The following COL4A1 variants were observed in gnomAD, a reference collection of about 807,000 sequenced individuals.
The protein encoded by COL4A1 is collagen type IV alpha 1 chain.
In COL4A1, 40 loss-of-function variants were observed where a neutral mutation model predicts 216.6. The ratio of observed to expected loss-of-function variants is 0.18; its 90% CI spans 0.14 to 0.24. The LOEUF is 0.24. Ranked by LOEUF, COL4A1 falls within the 10% of genes least tolerant of loss-of-function variation. COL4A1 has a pLI of 1.00. For synonymous variants in COL4A1, 839 were observed against 810.7 expected (o/e 1.03, Z -0.59); for missense variants, 1,628 against 2,196.8 (o/e 0.74, Z 5.18).
intron 50 of COL4A1, among the ~76,000 whole-genome samples, chr13:110,154,973 G>C (rs1042074736): frequency 6.6e-6 from 1 of 152,242 alleles, no homozygotes; most frequent in Non-Finnish European, 1.5e-5. Flanking sequence ...GAACAGACCC[G>C]TAGAGCACCT....
chr13:110,256,524 C>T (rs547658668), intron 1 of COL4A1, among the ~76,000 whole-genome samples: 18 of 152,092 alleles, frequency 1.2e-4, no homozygotes, highest in South Asian at 6.2e-4. Flanking sequence ...TGTCAGTGCC[C>T]GGGAAAGCAA....
chr13:110,151,200 C>T (rs1200996538), intron 51 of COL4A1, among the ~76,000 whole-genome samples: 1 of 152,006 alleles, frequency 6.6e-6, no homozygotes, highest in Non-Finnish European at 1.5e-5. Context: ...ATTTTATTAA[C>T]TTTTGGTGCA....
intron 1 of COL4A1, among the ~76,000 whole-genome samples, chr13:110,278,492 T>C (rs191992468): frequency 6.6e-6 from 1 of 152,204 alleles, no homozygotes; most frequent in Non-Finnish European, 1.5e-5. Context: ...CCTAGACATT[T>C]CTTTTGGGTG....
intron 1 of COL4A1, among the ~76,000 whole-genome samples, chr13:110,281,747 T>C (rs2139300886): frequency 6.6e-6 from 1 of 152,374 alleles, no homozygotes; most frequent in South Asian, 2.1e-4. Flanking sequence ...ACTCTTCTTC[T>C]AATGGTATGG....
intron 39 of COL4A1, 64 bp downstream of exon 39, chr13:110,174,382 G>T: frequency 6.4e-7 from 1 of 1,569,470 alleles, no homozygotes; most frequent in Non-Finnish European, 8.7e-7. Flanking sequence ...ACTCCTTGGG[G>T]CCTCCCATCC....
Position 110,169,757 on chromosome 13 carries a change from G to A in COL4A1, c.3748C>T (p.Pro1250Ser). The change falls in exon 43 of 52, where the codon CCG (proline) becomes TCG (serine). Residue 1250 changes from proline to serine, a missense_variant. Pro to Ser is a moderately conservative substitution (Grantham distance 74, BLOSUM62 -1). This residue lies in a region of COL4A1 where 345 missense variants were observed against 476.9 expected (regional missense o/e 0.72). Coordinates refer to ENST00000375820, the MANE Select transcript of COL4A1 (RefSeq NM_001845.6). ...PQGQPGLPGL[P>S]GPMGPPGLPG... The stretch of plus-strand genomic sequence containing the variant: ...AGCCCTGGAGGCCCCATGGGTCCCG[G>A]AAGTCCTAATGGAAGAGAAGAAAGC... The A allele has an allele frequency of 6.2e-7, 1 of 1,613,964 alleles. No homozygotes were observed. Among genetic ancestry groups the A allele is most frequent in the South Asian group, 1.1e-5 (1 of 91,078 alleles).
At chr13:110,151,059 T>G (rs774595198) in intron 51 of COL4A1, among the ~76,000 whole-genome samples, 2 of 152,202 alleles carry the variant, frequency 1.3e-5, no homozygotes, top group Non-Finnish European at 1.5e-5. Context: ...TCTACATTAT[T>G]TTGATTGTTG....
intron 28 of COL4A1, among the ~76,000 whole-genome samples, chr13:110,181,868 G>A (rs932994389): frequency 2.6e-5 from 4 of 152,166 alleles, no homozygotes; most frequent in African/African-American, 7.2e-5. Context: ...TCTGGGCCCC[G>A]CTCTGGAAGC....
intron 12 of COL4A1, among the ~76,000 whole-genome samples, chr13:110,208,571 G>A (rs758188939): frequency 7.2e-5 from 11 of 152,214 alleles, no homozygotes; most frequent in Admixed American, 5.2e-4. Flanking sequence ...CACTGACGAA[G>A]AAGAGTTTGA....
intron 43 of COL4A1, among the ~76,000 whole-genome samples, chr13:110,169,308 T>C (rs1012759745): frequency 6.6e-6 from 1 of 152,166 alleles, no homozygotes. Flanking sequence ...TTACATTGAG[T>C]TTGTAAATAG....
At chr13:110,209,884 C>T (rs368392054) in intron 10 of COL4A1, 96 bp downstream of exon 10, 40 of 1,432,552 alleles carry the variant, frequency 2.8e-5, no homozygotes, top group Non-Finnish European at 3.6e-5. Context: ...GCGACCACAA[C>T]TGTGTAAAGT....
chr13:110,205,506 T>A lies in COL4A1; in HGVS notation c.891A>T (p.Glu297Asp). 6.2e-7 allele frequency: 1 copy of A among 1,608,032 alleles called. No homozygotes were observed. The highest frequency in any genetic ancestry group is 8.5e-7 in the Non-Finnish European group (1 of 1,179,892). The change falls in exon 16 of 52, where the codon GAA (glutamate) becomes GAT (aspartate). Residue 297 changes from glutamate to aspartate, a missense_variant. Physicochemically the swap from Glu to Asp is conservative, Grantham distance 45. Transcript: ENST00000375820. The part of the protein sequence containing the change: ...GKPGKDGDKG[E>D]KGSPGFPGEP... Reference sequence around the variant, plus strand: ...GAGAAACACTTACGGGACTCCCTTTTTCCCCTTTGTCACCATCTTTTCCGG... The same window carrying A: ...GAGAAACACTTACGGGACTCCCTTTATCCCCTTTGTCACCATCTTTTCCGG...
chr13:110,163,976 C>CTT, intron 46 of COL4A1, among the ~76,000 whole-genome samples: 1 of 123,774 alleles, frequency 8.1e-6, no homozygotes, highest in African/African-American at 3.0e-5. Flanking sequence ...TTCTTTCTTT[C>CTT]TCTCTCTCTT....
At chr13:110,174,819 A>G (rs1472355072) in intron 37 of COL4A1, 70 bp from the exon 38 acceptor site, 1 of 1,383,312 alleles carries the variant, frequency 7.2e-7, no homozygotes, top group Non-Finnish European at 1.0e-6. Flanking sequence ...CATGTTATAG[A>G]TAATGGTATA....
chr13:110,173,891 G>A lies in COL4A1; in HGVS notation c.3505+9C>T. 3.1e-6 allele frequency: 5 copies of A among 1,614,130 alleles called. No homozygotes were observed. Among genetic ancestry groups the A allele is most frequent in the Non-Finnish European group, 4.2e-6 (5 of 1,179,992 alleles). On this transcript the variant is annotated intron_variant, in intron 40 of 51. Coordinates refer to ENST00000375820, the MANE Select transcript of COL4A1 (RefSeq NM_001845.6). ...TGATTCTGATAGGGAATGGGGCGTT[G>A]GGCCATACCTGGTTCACCCTTCTCT...
chr13:110,180,849 T>C (rs9515161), intron 29 of COL4A1, among the ~76,000 whole-genome samples: 51,762 of 151,980 alleles, frequency 0.34, 8,889 homozygotes, highest in South Asian at 0.37. Context: ...GCTGCTCCTG[T>C]CAAAAGCCCT....
intron 12 of COL4A1, 90 bp downstream of exon 12, chr13:110,208,759 A>C: frequency 4.2e-6 from 5 of 1,194,934 alleles, no homozygotes; most frequent in Non-Finnish European, 6.3e-6. Context: ...CTATACTTGT[A>C]AGAGTCCAGA....
At position 110,212,621 on chromosome 13, in the gene COL4A1, G is replaced by T. The variant is rs756749406; in HGVS notation, c.280-3C>A. 1.9e-6 allele frequency: 3 copies of T among 1,613,814 alleles called. No individual in the cohort carries two copies. Among genetic ancestry groups the T allele is most frequent in the Non-Finnish European group, 2.5e-6 (3 of 1,180,040 alleles). On this transcript the variant is annotated splice_region_variant and splice_polypyrimidine_tract_variant and intron_variant, in intron 4 of 51. Coordinates refer to ENST00000375820, the MANE Select transcript of COL4A1 (RefSeq NM_001845.6). ...TAGCCAGATGCTCCCGGAGGTCCCT[G>T]TGAGGGCGGAAGTAAAAGCGTGTCA...
chr13:110,153,125 G>A (rs899298049), intron 50 of COL4A1, among the ~76,000 whole-genome samples: 1 of 152,162 alleles, frequency 6.6e-6, no homozygotes, highest in Admixed American at 6.5e-5. Flanking sequence ...ACTTGACTAA[G>A]ACATTACAAC....
Sources: allele counts gnomAD v4.1 joint callset (sites outside exome capture counted in the v4.1 genomes callset), GRCh38; gene constraint gnomAD v4.1.1; regional missense constraint gnomAD v4.1.1; transcripts MANE v1.5; gene names NCBI Gene and HGNC (gene_info 2026-07-23, HGNC 2026-07-21).